ZNF33A: variants seen among roughly 807,000 people sequenced by gnomAD.
ZNF33A encodes the protein zinc finger protein 33A, also known as brain my041 protein.
In ZNF33A, 9 loss-of-function variants were observed where a neutral mutation model predicts 15.9. The observed-to-expected ratio is 0.57, with a 90% CI of 0.34 to 0.99. ZNF33A has a LOEUF of 0.99. Ranked by LOEUF, ZNF33A falls within the 50% of genes least tolerant of loss-of-function variation. The probability of loss-of-function intolerance (pLI) is 0.02; values close to 1 mark genes in which losing one functional copy is unlikely to be tolerated. For synonymous variants in ZNF33A, 294 were observed against 324.2 expected, an observed-to-expected ratio of 0.91 and a Z score of 1.00; for missense variants, 843 against 941.6, an observed-to-expected ratio of 0.90 and a Z score of 1.37.
At chr10:38,014,017 C>G (rs2064325515) in intron 2 of ZNF33A, among the ~76,000 whole-genome samples, 1 of 141,174 alleles carries the variant, frequency 7.1e-6, no homozygotes, top group Non-Finnish European at 1.5e-5. Flanking sequence ...TGCAAAGCCC[C>G]AAATTTAATG....
At chr10:38,064,389 G>A (rs2066689799), downstream of ZNF33A, 2 of 415,356 alleles carry the variant, frequency 4.8e-6, no homozygotes, top group South Asian at 6.7e-5. Context: ...GGCTTCTCGT[G>A]TCCTTGGAGC....
chr10:38,062,147 C>T (rs1590736097), downstream of ZNF33A, among the ~76,000 whole-genome samples: 2 of 152,070 alleles, frequency 1.3e-5, no homozygotes, highest in African/African-American at 4.8e-5. Flanking sequence ...ATGTGAGGGC[C>T]CAGTGTCACT....
At chr10:38,044,769 G>A (rs1321837361) in intron 4 of ZNF33A, among the ~76,000 whole-genome samples, 2 of 152,026 alleles carry the variant, frequency 1.3e-5, no homozygotes, top group East Asian at 1.9e-4. Context: ...CCAGGTTCAA[G>A]TCATTCTCTT....
Position 38,057,481 on chromosome 10 carries a change from C to T in ZNF33A, c.*921C>T, listed in dbSNP as rs41276140. 62,205 of 985,222 alleles carry T rather than the reference C, an allele frequency of 0.063. 2,052 individuals carry two copies. The highest frequency in any genetic ancestry group is 0.091 in the Middle Eastern group (174 of 1,914). The allele number at this position is 985,222 out of a possible 1,614,324, so 61.0% of individuals were successfully genotyped here. On this transcript the variant is annotated 3_prime_UTR_variant, in exon 5 of 5. Transcript: ENST00000432900. ...GTTTCATATGCATAATGGAATTTAA[C>T]GTAATTGTGAATAGGAAGTAGGTAT...
intron 2 of ZNF33A, among the ~76,000 whole-genome samples, chr10:38,012,859 G>T (rs531450134): frequency 2.0e-5 from 3 of 152,110 alleles, no homozygotes. Context: ...TGTTTCTTAC[G>T]TTTCCAACAA....
At chr10:38,037,616 G>A (rs2135674022) in intron 4 of ZNF33A, among the ~76,000 whole-genome samples, 1 of 152,222 alleles carries the variant, frequency 6.6e-6, no homozygotes, top group African/African-American at 2.4e-5. Flanking sequence ...GAACTACTGT[G>A]CCCAGCCGAA....
In ZNF33A at chr10:38,017,032, G is replaced by C. The variant is rs779748752; in HGVS notation, c.154+17G>C. On this transcript the variant is annotated intron_variant, in intron 3 of 4. Transcript: ENST00000432900. ...TCTCAGTGGGTAAGGTCTGTTCACT[G>C]TATCATTCTAAATAGCATTTGTTTA... 6.3e-7 allele frequency: 1 copy of C among 1,595,176 alleles called. No individual in the cohort carries two copies. Among genetic ancestry groups the C allele is most frequent in the Non-Finnish European group, 8.5e-7 (1 of 1,173,134 alleles).
At chr10:38,037,334 C>CTTTTTTTT in intron 4 of ZNF33A, among the ~76,000 whole-genome samples, 1 of 147,800 alleles carries the variant, frequency 6.8e-6, no homozygotes, top group Non-Finnish European at 1.5e-5. Flanking sequence ...TTTCTTTTTT[C>CTTTTTTTT]TTTTTTTTTT....
intron 2 of ZNF33A, chr10:38,015,976 C>CT: frequency 1.6e-6 from 2 of 1,231,324 alleles, no homozygotes; most frequent in Non-Finnish European, 1.0e-6. Flanking sequence ...GCAGTGATCC[C>CT]TAAAAGATGT....
downstream of ZNF33A, among the ~76,000 whole-genome samples, chr10:38,066,805 A>G (rs566748782): frequency 6.6e-6 from 1 of 152,120 alleles, no homozygotes; most frequent in East Asian, 2.0e-4. Flanking sequence ...TGTGGCACAC[A>G]CTGGTAATCC....
At chr10:38,033,035 A>C (rs2065281704) in intron 4 of ZNF33A, among the ~76,000 whole-genome samples, 1 of 152,198 alleles carries the variant, frequency 6.6e-6, no homozygotes, top group South Asian at 2.1e-4. Context: ...GGCGTGAGGC[A>C]CTGCGTCCGG....
At chr10:38,053,958 G>A (rs1379220507) in intron 4 of ZNF33A, among the ~76,000 whole-genome samples, 3 of 152,274 alleles carry the variant, frequency 2.0e-5, no homozygotes, top group African/African-American at 4.8e-5. Flanking sequence ...TTGCTTAGTG[G>A]TGATTTGAAA....
intron 4 of ZNF33A, among the ~76,000 whole-genome samples, chr10:38,020,654 T>A (rs1332480767): frequency 6.6e-6 from 1 of 152,200 alleles, no homozygotes; most frequent in Non-Finnish European, 1.5e-5. Context: ...TTGTTGCATA[T>A]GACAGGATCT....
chr10:38,028,236 C>T (rs972687367), intron 4 of ZNF33A, among the ~76,000 whole-genome samples: 2 of 151,828 alleles, frequency 1.3e-5, no homozygotes, highest in African/African-American at 4.8e-5. Context: ...TCACTGCACT[C>T]CAGCCTAGGT....
At chr10:38,025,510 A>G (rs551759050) in intron 4 of ZNF33A, among the ~76,000 whole-genome samples, 105 of 152,358 alleles carry the variant, frequency 6.9e-4, no homozygotes, top group Middle Eastern at 6.8e-3. Flanking sequence ...CACCATGTGC[A>G]TAGAGGAAAG....
At position 38,058,189 on chromosome 10, in the gene ZNF33A, A is replaced by C. The variant is rs1180580190; in HGVS notation, c.*1629A>C. The C allele has an allele frequency of 1.2e-5, 6 of 488,436 alleles. No homozygotes were observed. Among genetic ancestry groups the C allele is most frequent in the Non-Finnish European group, 1.6e-5 (6 of 376,122 alleles). 30.3% of individuals were successfully genotyped at this position (488,436 alleles called of 1,614,324 possible). A position where few individuals can be genotyped will look rare whatever the true frequency, so the allele number is the denominator to read the frequency against. On this transcript the variant is annotated 3_prime_UTR_variant, in exon 5 of 5. Transcript: ENST00000432900. ...AAATTGAAAAGAGAAAATCGATAAA[A>C]CCCAAAACTGGTTCCTTGAAAAGGT...
At chr10:38,010,528 T>A, upstream of ZNF33A, 5 of 683,380 alleles carry the variant, frequency 7.3e-6, no homozygotes, top group South Asian at 8.1e-5. Context: ...AGACCGCATC[T>A]GCCCACTGCC....
chr10:38,036,434 T>A (rs2065457191), intron 4 of ZNF33A, among the ~76,000 whole-genome samples: 1 of 150,852 alleles, frequency 6.6e-6, no homozygotes, highest in African/African-American at 2.4e-5. Context: ...CAAGATTCTG[T>A]CTCAAAAAAA....
chr10:38,056,383 A>G lies in ZNF33A; in HGVS notation c.2259A>G (p.Thr753=), dbSNP rs145966606. 114 of 1,614,144 alleles carry G rather than the reference A, an allele frequency of 7.1e-5. No individual in the cohort carries two copies. The African/African-American group carries it at 1.4e-3, about 20-fold the overall frequency. The change falls in exon 5 of 5, where the codon ACA becomes ACG. Residue 753 remains threonine (T), a synonymous_variant. Coordinates refer to ENST00000432900, the MANE Select transcript of ZNF33A (RefSeq NM_006954.2). ...GGGAAAAGCCCTATGAATGTAACAC[A>G]TGCAGGAAAACTTTCTCTCAAAAGT... ...HTGEKPYECN[T]CRKTFSQKSN...
Sources: gnomAD v4.1 joint callset for allele counts (sites outside exome capture counted in the v4.1 genomes callset) on GRCh38, gnomAD v4.1.1 for gene constraint, MANE v1.5 for transcripts, NCBI Gene and HGNC (gene_info 2026-07-23, HGNC 2026-07-21) for gene names.